The following COMMD1 variants were observed in gnomAD, a reference collection of about 807,000 sequenced individuals.
COMMD1 encodes COMM domain-containing protein 1.
In COMMD1, 10 loss-of-function variants were observed where a neutral mutation model predicts 17.2. The ratio of observed to expected loss-of-function variants is 0.58; its 90% CI spans 0.36 to 0.99. COMMD1 has a LOEUF of 0.99. Among genes scored for constraint, COMMD1 ranks in the 50% least tolerant of loss-of-function variants. The probability of loss-of-function intolerance (pLI) is 0.01; values close to 1 mark genes in which losing one functional copy is unlikely to be tolerated. For synonymous variants in COMMD1, 97 were observed against 91.6 expected (o/e 1.06, Z -0.34); for missense variants, 270 against 231.8 (o/e 1.17, Z -1.07).
chr2:62,135,766 G>C, intron 2 of COMMD1, 65 bp from the exon 3 acceptor site: 1 of 823,780 alleles, frequency 1.2e-6, no homozygotes, highest in Non-Finnish European at 2.2e-6. Context: ...TTTTGAGTTT[G>C]GTCATGCCAG....
chr2:62,024,383 T>TTGTG (rs975333450), intron 2 of COMMD1, among the ~76,000 whole-genome samples: 26 of 151,880 alleles, frequency 1.7e-4, no homozygotes, highest in Non-Finnish European at 1.0e-4. Context: ...TGCTGGCTAA[T>TTGTG]TGTGTGTGTG....
chr2:61,968,297 A>G (rs1490035695), intron 1 of COMMD1, among the ~76,000 whole-genome samples: 1 of 152,218 alleles, frequency 6.6e-6, no homozygotes, highest in Non-Finnish European at 1.5e-5. Flanking sequence ...ATACTGTTGT[A>G]TTTATATGGC....
intron 2 of COMMD1, among the ~76,000 whole-genome samples, chr2:62,122,842 A>G (rs896070432): frequency 6.6e-6 from 1 of 152,240 alleles, no homozygotes; most frequent in Non-Finnish European, 1.5e-5. Flanking sequence ...CTTCTTGGAA[A>G]GTTAAACAAC....
At chr2:61,997,013 A>G (rs911300895) in intron 1 of COMMD1, among the ~76,000 whole-genome samples, 1 of 151,280 alleles carries the variant, frequency 6.6e-6, no homozygotes, top group African/African-American at 2.4e-5. Context: ...CATTAGAGTA[A>G]TCACTGTCTA....
chr2:61,966,445 G>A (rs973880819), intron 1 of COMMD1, among the ~76,000 whole-genome samples: 1 of 152,102 alleles, frequency 6.6e-6, no homozygotes, highest in Non-Finnish European at 1.5e-5. Context: ...GAATATGGCA[G>A]TAATACCCAA....
At chr2:62,040,973 G>A (rs1053385398) in intron 2 of COMMD1, among the ~76,000 whole-genome samples, 3 of 152,164 alleles carry the variant, frequency 2.0e-5, no homozygotes, top group African/African-American at 7.2e-5. Flanking sequence ...GCCTCCCAAA[G>A]TGCTGGGATT....
chr2:62,000,951 T>C lies in COMMD1; in HGVS notation c.431T>C (p.Ile144Thr). The C allele has an allele frequency of 2.0e-5, 32 of 1,613,946 alleles. No homozygotes were observed. The highest frequency in any genetic ancestry group is 2.6e-5 in the Non-Finnish European group (31 of 1,180,016). The change falls in exon 2 of 3, where the codon ATT becomes ACT. Residue 144 changes from isoleucine (I) to threonine (T), a missense_variant. Physicochemically the swap from Ile to Thr is moderately conservative, Grantham distance 89. Transcript: ENST00000311832. Reference sequence around the variant, plus strand: ...GCTCAAATACACACACCTGTTGCCATTATAGAGCTGGAATTAGGCAAATAT... The same window carrying C: ...GCTCAAATACACACACCTGTTGCCACTATAGAGCTGGAATTAGGCAAATAT... ...HSAQIHTPVA[I>T]IELELGKYGQ... is the part of the protein sequence containing the mutation.
At chr2:61,936,300 A>G (rs903501978) in intron 1 of COMMD1, among the ~76,000 whole-genome samples, 3 of 152,192 alleles carry the variant, frequency 2.0e-5, no homozygotes, top group East Asian at 1.9e-4. Context: ...AATTCTTTCT[A>G]TGGGTCTCTG....
At chr2:62,062,175 G>T (rs1234991824) in intron 2 of COMMD1, among the ~76,000 whole-genome samples, 7 of 151,588 alleles carry the variant, frequency 4.6e-5, no homozygotes, top group African/African-American at 1.5e-4. Context: ...GACGCCAATT[G>T]TAACTCCTAA....
intron 2 of COMMD1, among the ~76,000 whole-genome samples, chr2:62,131,909 T>A (rs932196368): frequency 6.1e-4 from 91 of 149,408 alleles, no homozygotes; most frequent in Non-Finnish European, 6.7e-4. Flanking sequence ...TTTTTTTTTT[T>A]AGACAGTCTC....
chr2:62,095,751 C>A (rs1278184581), intron 2 of COMMD1, among the ~76,000 whole-genome samples: 1 of 130,274 alleles, frequency 7.7e-6, no homozygotes, highest in East Asian at 2.1e-4. Flanking sequence ...ATCAGACTAC[C>A]CATTCCTGGA....
chr2:62,053,761 G>T (rs1670610898), intron 2 of COMMD1, among the ~76,000 whole-genome samples: 2 of 152,176 alleles, frequency 1.3e-5, no homozygotes. Context: ...ATGTATTACA[G>T]TTGGTATAGG....
chr2:62,053,018 T>G (rs775876539), intron 2 of COMMD1, among the ~76,000 whole-genome samples: 29 of 152,106 alleles, frequency 1.9e-4, no homozygotes, highest in Non-Finnish European at 2.9e-4. Flanking sequence ...AGGTTGAGGC[T>G]GCAGTGAGCT....
intron 1 of COMMD1, among the ~76,000 whole-genome samples, chr2:61,934,296 C>A (rs1670545770): frequency 6.6e-6 from 1 of 152,070 alleles, no homozygotes; most frequent in Non-Finnish European, 1.5e-5. Flanking sequence ...AAAGAATGAA[C>A]CATGGGATGT....
At chr2:62,116,677 A>C (rs1672613966) in intron 2 of COMMD1, among the ~76,000 whole-genome samples, 1 of 55,156 alleles carries the variant, frequency 1.8e-5, no homozygotes, top group African/African-American at 6.8e-5. Flanking sequence ...GTCTCATTAC[A>C]AAAAAAAAAA....
intron 2 of COMMD1, among the ~76,000 whole-genome samples, chr2:62,031,888 C>G (rs1036771583): frequency 3.9e-5 from 6 of 152,132 alleles, no homozygotes; most frequent in African/African-American, 1.4e-4. Context: ...TATTTTAGCT[C>G]CCTTTAAATT....
intron 1 of COMMD1, among the ~76,000 whole-genome samples, chr2:61,976,903 A>G (rs939163539): frequency 3.3e-5 from 5 of 149,850 alleles, no homozygotes; most frequent in African/African-American, 1.2e-4. Context: ...GTCTCGGCTC[A>G]CTGGAACCTC....
chr2:61,927,485 C>T lies in COMMD1; in HGVS notation c.180+21627C>T, dbSNP rs549207332. Among the ~76,000 whole-genome samples, 12 of 151,094 alleles carry T rather than the reference C, an allele frequency of 7.9e-5. No individual in the cohort carries two copies. The South Asian group carries it at 1.0e-3, about 13-fold the overall frequency. On this transcript the variant is annotated intron_variant, in intron 1 of 2. Transcript: ENST00000311832. ...TCAGCTCACTGCACACTCCACCTCC[C>T]GGGTTCATGCCATTCTCCTGCCTCA...
intron 2 of COMMD1, among the ~76,000 whole-genome samples, chr2:62,068,620 C>CTTTT (rs67517468): frequency 2.4e-4 from 21 of 89,254 alleles, no homozygotes; most frequent in Admixed American, 3.9e-4. Context: ...GTAGTATAAT[C>CTTTT]TTTTTTTTTT....
Sources: gnomAD v4.1 joint callset for allele counts (sites outside exome capture counted in the v4.1 genomes callset) on GRCh38, gnomAD v4.1.1 for gene constraint, MANE v1.5 for transcripts, NCBI Gene and HGNC (gene_info 2026-07-23, HGNC 2026-07-21) for gene names.